MYO16: variants seen among roughly 807,000 people sequenced by gnomAD.
The protein encoded by MYO16 is unconventional myosin-XVI.
MYO16 carries 94 observed loss-of-function variants against 205.3 expected under a neutral mutation model. That is an observed-to-expected ratio of 0.46 (90% CI 0.39 to 0.54). The LOEUF (loss-of-function observed/expected upper bound fraction) is 0.54, where lower values mean the gene tolerates loss of function less well. MYO16 is among the 20% of genes least tolerant of loss of function. The pLI is 0.00. For missense variants in MYO16, 2,315 were observed against 2,387.5 expected (o/e 0.97, Z 0.63); for synonymous variants, 988 against 954.0 (o/e 1.04, Z -0.66).
intron 27 of MYO16, among the ~76,000 whole-genome samples, chr13:109,071,048 A>G (rs552950178): frequency 1.3e-5 from 2 of 152,320 alleles, no homozygotes; most frequent in Admixed American, 6.5e-5. Flanking sequence ...CAACTTAAGT[A>G]CTAAATACTT....
At chr13:108,681,861 C>T (rs1403089939) in intron 2 of MYO16, among the ~76,000 whole-genome samples, 3 of 152,172 alleles carry the variant, frequency 2.0e-5, no homozygotes, top group African/African-American at 4.8e-5. Flanking sequence ...TATTCATGGT[C>T]CTCCACAATC....
intron 4 of MYO16, among the ~76,000 whole-genome samples, chr13:108,735,976 T>A (rs938048384): frequency 3.8e-4 from 44 of 116,482 alleles, no homozygotes; most frequent in Non-Finnish European, 6.2e-4. Context: ...CTTTGCCCAC[T>A]TTTTGATGGG....
intron 32 of MYO16, among the ~76,000 whole-genome samples, chr13:109,160,642 G>A (rs2139865037): frequency 6.6e-6 from 1 of 152,282 alleles, no homozygotes; most frequent in South Asian, 2.1e-4. Flanking sequence ...TATACAGGAT[G>A]TACAGTATTC....
Position 108,737,111 on chromosome 13 carries a change from T to G in MYO16, c.507+9528T>G, listed in dbSNP as rs556518234. 6.6e-5 allele frequency among the ~76,000 whole-genome samples: 10 copies of G among 152,304 alleles called. 1 individual carries two copies. In the South Asian group the frequency reaches 2.1e-3, roughly 32 times the overall value. On this transcript the variant is annotated intron_variant, in intron 4 of 34. Coordinates refer to ENST00000457511, the MANE Select transcript of MYO16 (RefSeq NM_001198950.3). Reference sequence around the variant, plus strand: ...GGGACAATTTGACTTCCTCTTTTCCTAATTGAATACCCTTTATTTCTTTCT... The same window carrying G: ...GGGACAATTTGACTTCCTCTTTTCCGAATTGAATACCCTTTATTTCTTTCT...
chr13:108,528,611 C>CTCTCCACTCCTT, the MYO16 span, among the ~76,000 whole-genome samples: 6 of 6,140 alleles, frequency 9.8e-4, no homozygotes, highest in Admixed American at 1.8e-3. Context: ...CTCTCCTCTC[C>CTCTCCACTCCTT]TCCCCTCCCC....
rs1413901143 is a variant in MYO16 at position 109,141,883 on chromosome 13, G to C, written c.5164+507G>C. 6.6e-6 allele frequency among the ~76,000 whole-genome samples: 1 copy of C among 152,088 alleles called. No individual in the cohort carries two copies. Among genetic ancestry groups the C allele is most frequent in the Non-Finnish European group, 1.5e-5 (1 of 68,038 alleles). On this transcript the variant is annotated intron_variant, in intron 32 of 34. Coordinates refer to ENST00000457511, the MANE Select transcript of MYO16 (RefSeq NM_001198950.3). The surrounding 1 kb of genome is among the most constrained non-coding windows in gnomAD (Gnocchi z 4.1). ...TACTACCCTGCGCTTAATGCCACTCGGCTGTGGGCTGTTTGGGATGAACTG... is the reference window on the plus strand; with the variant it reads ...TACTACCCTGCGCTTAATGCCACTCCGCTGTGGGCTGTTTGGGATGAACTG...
At chr13:108,711,569 C>G (rs1189684706) in intron 2 of MYO16, among the ~76,000 whole-genome samples, 2 of 152,220 alleles carry the variant, frequency 1.3e-5, no homozygotes, top group Non-Finnish European at 2.9e-5. Flanking sequence ...AAGAGCTTGG[C>G]CTTCCTGGAG....
chr13:108,821,375 A>C (rs1875962882), intron 8 of MYO16, among the ~76,000 whole-genome samples: 1 of 152,178 alleles, frequency 6.6e-6, no homozygotes, highest in African/African-American at 2.4e-5. Flanking sequence ...CCAAACAGAA[A>C]TTTTACACAG....
intron 21 of MYO16, among the ~76,000 whole-genome samples, chr13:109,006,532 A>T (rs746311418): frequency 3.3e-5 from 5 of 152,052 alleles, no homozygotes; most frequent in Non-Finnish European, 4.4e-5. Flanking sequence ...GAGCCACTGC[A>T]CCTGGCTAAT....
intron 7 of MYO16, among the ~76,000 whole-genome samples, chr13:108,809,427 CTG>C (rs1887216147): frequency 6.6e-6 from 1 of 152,152 alleles, no homozygotes; most frequent in South Asian, 2.1e-4. Context: ...AGTCTGCAGA[CTG>C]TACAAGCATG....
At chr13:109,017,881 T>A (rs1885883007) in intron 22 of MYO16, among the ~76,000 whole-genome samples, 1 of 152,104 alleles carries the variant, frequency 6.6e-6, no homozygotes, top group African/African-American at 2.4e-5. Context: ...TTTTTCAAGG[T>A]TTTTAGCTTC....
At chr13:108,993,662 A>G (rs1257148374) in intron 21 of MYO16, among the ~76,000 whole-genome samples, 1 of 152,164 alleles carries the variant, frequency 6.6e-6, no homozygotes, top group Non-Finnish European at 1.5e-5. Flanking sequence ...CTGTGGATTA[A>G]TAGAAAAGGA....
At position 109,040,385 on chromosome 13, in the gene MYO16, C is replaced by G. The variant is rs9559472; in HGVS notation, c.2797-6531C>G. 2.3e-3 allele frequency among the ~76,000 whole-genome samples: 256 copies of G among 113,250 alleles called. 1 individual carries two copies. Among genetic ancestry groups the G allele is most frequent in the Middle Eastern group, 0.013 (3 of 232 alleles). 74.3% of individuals were successfully genotyped at this position (113,250 alleles called of 152,430 possible). A position where few individuals can be genotyped will look rare whatever the true frequency, so the allele number is the denominator to read the frequency against. ...ATACACACACACACACACACACACA[C>G]AGAGAGAGAGAGAGAGAGAGAGAGA... is the stretch of plus-strand genomic sequence containing the variant. On this transcript the variant is annotated intron_variant, in intron 23 of 34. Transcript: ENST00000457511.
At chr13:108,947,690 C>T (rs1220624018) in intron 16 of MYO16, among the ~76,000 whole-genome samples, 1 of 152,176 alleles carries the variant, frequency 6.6e-6, no homozygotes, top group South Asian at 2.1e-4. Context: ...CTCCACCCCC[C>T]GGCTCTCCCA....
In MYO16 at chr13:109,206,996, GTGTGTGTGTT is replaced by G. The variant is rs55668721; in HGVS notation, c.*170_*179del. On this transcript the variant is annotated 3_prime_UTR_variant, in exon 35 of 35. Transcript: ENST00000457511. ...TAAATATATGAGATCCCGTGTGTGT[GTGTGTGTGTT>G]TGTGTGTGTGTGTGTGGGTTCTTTC... 0.2 allele frequency: 122,364 copies of G among 598,814 alleles called. 9,454 individuals are homozygous for G. The highest frequency in any genetic ancestry group is 0.28 in the African/African-American group (15,141 of 53,396). The allele number at this position is 598,814 out of a possible 1,614,324, so 37.1% of individuals were successfully genotyped here.
At chr13:108,885,972 A>G (rs1216894925) in intron 13 of MYO16, among the ~76,000 whole-genome samples, 1 of 151,738 alleles carries the variant, frequency 6.6e-6, no homozygotes, top group African/African-American at 2.4e-5. Flanking sequence ...CTGCAGAACT[A>G]GTTTTGCTTT....
At chr13:109,199,952 C>A (rs1447824190) in intron 34 of MYO16, among the ~76,000 whole-genome samples, 1 of 152,062 alleles carries the variant, frequency 6.6e-6, no homozygotes, top group African/African-American at 2.4e-5. Context: ...TACTGGACTG[C>A]CATTTAGATA....
At chr13:108,753,502 C>T (rs1340207860) in intron 4 of MYO16, among the ~76,000 whole-genome samples, 1 of 151,626 alleles carries the variant, frequency 6.6e-6, no homozygotes, top group East Asian at 1.9e-4. Context: ...GCTTTATTGA[C>T]TCATTCCGTA....
chr13:109,023,233 CAG>C (rs1566467311), intron 23 of MYO16, among the ~76,000 whole-genome samples: 4 of 103,660 alleles, frequency 3.9e-5, no homozygotes, highest in Non-Finnish European at 7.2e-5. Flanking sequence ...ATATATTATA[CAG>C]ATATAAATAT....
Sources: gnomAD v4.1 joint callset for allele counts (sites outside exome capture counted in the v4.1 genomes callset) on GRCh38, gnomAD v4.1.1 for gene constraint, Gnocchi (gnomAD v3.1) non-coding constraint, MANE v1.5 for transcripts, NCBI Gene and HGNC (gene_info 2026-07-23, HGNC 2026-07-21) for gene names.